Variants in PPP2R3B observed in about 807,000 individuals in gnomAD.
PPP2R3B encodes the protein serine/threonine-protein phosphatase 2A regulatory subunit B'' subunit beta.
PPP2R3B carries 68 observed loss-of-function variants against 72.9 expected under a neutral mutation model. That is an observed-to-expected ratio of 0.93 (90% CI 0.77 to 1.14). The LOEUF (loss-of-function observed/expected upper bound fraction) is 1.14. Ranked by LOEUF, PPP2R3B falls within the 50% of genes most tolerant of loss-of-function variation. The pLI is 0.00. For missense variants in PPP2R3B, 1,018 were observed against 842.0 expected (o/e 1.21, Z -2.59); for synonymous variants, 466 against 375.8 (o/e 1.24, Z -2.78).
At chrX:363,440 A>ATGCATCTCCATGAGTCCACGATCCCACAG (rs2071594047) in intron 1 of PPP2R3B, among the ~76,000 whole-genome samples, 3 of 4,754 alleles carry the variant, frequency 6.3e-4, no homozygotes, top group African/African-American at 1.3e-3. Flanking sequence ...CGATCCCACA[A>ATGCATCTCCATGAGTCCACGATCCCACAG]TGCATCTCCC....
chrX:338,629 TCTCCTCGGCCACCAGGATGTCGTA>T lies in PPP2R3B; in HGVS notation c.1528_1551del (p.Tyr510_Glu517del), dbSNP rs1569374947. On this transcript the variant is annotated inframe_deletion, in exon 12 of 13. Transcript: ENST00000390665. ...CCGTCCTCCCAGGGCTCTCCCGCAG[TCTCCTCGGCCACCAGGATGTCGTA>T]CTCCTCGGCCGCGTACTTCTCCCAG... is the stretch of plus-strand genomic sequence containing the variant. 6 of 1,609,136 alleles carry T rather than the reference TCTCCTCGGCCACCAGGATGTCGTA, an allele frequency of 3.7e-6. No individual in the cohort carries two copies. The highest frequency in any genetic ancestry group is 5.1e-6 in the Non-Finnish European group (6 of 1,179,314).
At chrX:367,492 G>A (rs1275113065) in intron 1 of PPP2R3B, among the ~76,000 whole-genome samples, 1 of 151,838 alleles carries the variant, frequency 6.6e-6, no homozygotes, top group Non-Finnish European at 1.5e-5. Context: ...TGAACTCCTG[G>A]CCTCCAGCGA....
At position 361,504 on chromosome X, in the gene PPP2R3B, G is replaced by A; in HGVS notation, c.411C>T (p.Asp137=). The change falls in exon 2 of 13, where the codon GAC becomes GAT. Residue 137 remains aspartate (D), a synonymous_variant. Transcript: ENST00000390665. The part of the protein sequence containing the change: ...TFYFPRGRPQ[D]SVNVDAVISK... ...TGATGACGGCATCCACGTTGACGGAGTCCTGCGGGCGTCCTCTGGGGAAGT... is the reference window on the plus strand; with the variant it reads ...TGATGACGGCATCCACGTTGACGGAATCCTGCGGGCGTCCTCTGGGGAAGT... 1 of 1,614,036 alleles carries A rather than the reference G, an allele frequency of 6.2e-7. No individual in the cohort carries two copies. Among genetic ancestry groups the A allele is most frequent in the South Asian group, 1.1e-5 (1 of 91,082 alleles).
rs762163794 is a variant in PPP2R3B at position 361,566 on chromosome X, G to T, written c.349C>A (p.Leu117Met). Residue 117 changes from leucine (L) to methionine (M), a missense_variant, in exon 2 of 13, where the codon CTG (leucine) becomes ATG (methionine). By Grantham distance (15) the Leu-to-Met change is conservative (BLOSUM62 2). Transcript: ENST00000390665. ...ATGCTTTGGCTCGTGGCCGGGGGCAGAGGCTCTTCTTTCCGTGTCTGAACC... is the reference window on the plus strand; with the variant it reads ...ATGCTTTGGCTCGTGGCCGGGGGCATAGGCTCTTCTTTCCGTGTCTGAACC... ...RVVQTRKEEP[L>M]PPATSQSIPT... 2 of 1,613,994 alleles carry T rather than the reference G, an allele frequency of 1.2e-6. No individual in the cohort carries two copies. Among genetic ancestry groups the T allele is most frequent in the Non-Finnish European group, 1.7e-6 (2 of 1,179,838 alleles).
chrX:354,480 A>C (rs746114040), intron 2 of PPP2R3B, among the ~76,000 whole-genome samples: 1 of 152,360 alleles, frequency 6.6e-6, no homozygotes, highest in East Asian at 1.9e-4. Flanking sequence ...GGAAAACCTC[A>C]CTGCCCTCTC....
chrX:373,625 G>A, intron 1 of PPP2R3B: 1 of 287,292 alleles, frequency 3.5e-6, no homozygotes, highest in South Asian at 2.8e-5. Context: ...GCAGGTCGGG[G>A]TCCTGGCGCA....
chrX:345,880 T>G (rs868361119), intron 6 of PPP2R3B, among the ~76,000 whole-genome samples: 46 of 5,750 alleles, frequency 8.0e-3, no homozygotes, highest in Non-Finnish European at 0.01. Flanking sequence ...CCTAGGCGGG[T>G]GTGGGGGTGG....
At chrX:339,312 G>A (rs769230749) in intron 10 of PPP2R3B, among the ~76,000 whole-genome samples, 127 of 142,352 alleles carry the variant, frequency 8.9e-4, no homozygotes, top group Non-Finnish European at 1.7e-3. Flanking sequence ...GGGCCTCAGA[G>A]CCATTTCCAA....
chrX:347,922 A>G, intron 2 of PPP2R3B: 2 of 521,044 alleles, frequency 3.8e-6, no homozygotes, highest in Non-Finnish European at 3.4e-6. Context: ...GTATCCCCTG[A>G]CCACAGACCA....
In PPP2R3B at chrX:356,729, A is replaced by G. The variant is rs767238691; in HGVS notation, c.510+4676T>C. ...AACAGGGGAGAGATGGAGCACACAC[A>G]CAGCAGAAGCTACTCAGTGATAGAA... is the stretch of plus-strand genomic sequence containing the variant. On this transcript the variant is annotated intron_variant, in intron 2 of 12. Transcript: ENST00000390665. 1.1e-4 allele frequency among the ~76,000 whole-genome samples: 17 copies of G among 152,262 alleles called. No homozygotes were observed. The East Asian group carries it at 2.9e-3, about 26-fold the overall frequency.
chrX:359,949 A>C, intron 2 of PPP2R3B: 1 of 419,694 alleles, frequency 2.4e-6, no homozygotes, highest in South Asian at 1.7e-5. Context: ...ATATTTATAA[A>C]ACAAAACTTT....
chrX:372,114 A>T (rs2071879552), intron 1 of PPP2R3B, among the ~76,000 whole-genome samples: 2 of 152,128 alleles, frequency 1.3e-5, no homozygotes, highest in Admixed American at 1.3e-4. Flanking sequence ...CTCTGCGACC[A>T]GCGAGCCCGC....
intron 1 of PPP2R3B, among the ~76,000 whole-genome samples, chrX:383,399 C>A (rs1319692346): frequency 2.0e-5 from 3 of 152,048 alleles, no homozygotes; most frequent in Admixed American, 2.0e-4. Flanking sequence ...AAACAAGTTC[C>A]GACGGAACAT....
intron 1 of PPP2R3B, among the ~76,000 whole-genome samples, chrX:372,071 A>G (rs1280376697): frequency 1.3e-5 from 2 of 152,128 alleles, no homozygotes; most frequent in African/African-American, 4.8e-5. Flanking sequence ...GGGCTTCCTC[A>G]TCCAGCCACG....
At chrX:349,976 G>A (rs1182659657) in intron 2 of PPP2R3B, among the ~76,000 whole-genome samples, 4 of 152,106 alleles carry the variant, frequency 2.6e-5, no homozygotes, top group East Asian at 1.9e-4. Flanking sequence ...CACATGCACC[G>A]AGGGCCTGTT....
At chrX:348,386 G>T (rs1220451761) in intron 2 of PPP2R3B, among the ~76,000 whole-genome samples, 1 of 152,010 alleles carries the variant, frequency 6.6e-6, no homozygotes, top group Non-Finnish European at 1.5e-5. Flanking sequence ...GACCAGCCTG[G>T]CCAACATGGT....
At chrX:334,758 C>T (rs1256834012) in intron 12 of PPP2R3B, 32 of 452,630 alleles carry the variant, frequency 7.1e-5, no homozygotes, top group Middle Eastern at 5.7e-4. Context: ...GACGGAGCCC[C>T]GGGCGTGAGC....
chrX:362,641 C>G lies in PPP2R3B; in HGVS notation c.325-1051G>C, dbSNP rs1376196210. 2.0e-5 allele frequency among the ~76,000 whole-genome samples: 3 copies of G among 152,240 alleles called. 1 individual carries two copies. The highest frequency in any genetic ancestry group is 4.1e-4 in the South Asian group (2 of 4,828). On this transcript the variant is annotated intron_variant, in intron 1 of 12. Transcript: ENST00000390665. The stretch of plus-strand genomic sequence containing the variant: ...GGGACGGGGCTGTGTCCTCCTCAAC[C>G]AACTGCCATGGAGGAGGGGTCCAGG...
intron 1 of PPP2R3B, among the ~76,000 whole-genome samples, chrX:378,098 G>A (rs962850492): frequency 1.3e-5 from 2 of 152,220 alleles, no homozygotes; most frequent in Non-Finnish European, 2.9e-5. Flanking sequence ...TCATAGCATT[G>A]TTTTTGCACC....
Sources: gnomAD v4.1 joint callset for allele counts (sites outside exome capture counted in the v4.1 genomes callset) on GRCh38, gnomAD v4.1.1 for gene constraint, MANE v1.5 for transcripts, NCBI Gene and HGNC (gene_info 2026-07-23, HGNC 2026-07-21) for gene names.